TERT: variants seen among roughly 807,000 people sequenced by gnomAD.
TERT encodes the protein telomerase reverse transcriptase, also known as telomerase catalytic subunit.
In TERT, 42 loss-of-function variants were observed where a neutral mutation model predicts 104.0. The observed-to-expected ratio is 0.40, with a 90% CI of 0.32 to 0.52. TERT has a LOEUF of 0.52. TERT is among the 20% of genes least tolerant of loss of function. The pLI is 0.43. For synonymous variants in TERT, 781 were observed against 725.6 expected, an observed-to-expected ratio of 1.08 and a Z score of -1.23; for missense variants, 1,101 against 1,610.3, an observed-to-expected ratio of 0.68 and a Z score of 5.41.
rs562570564 is a variant in TERT, at chr5:1,277,210, G to A, written c.2286+1431C>T. Among the ~76,000 whole-genome samples, 18 of 152,260 alleles carry A rather than the reference G, an allele frequency of 1.2e-4. No homozygotes were observed. The South Asian group carries it at 1.9e-3, about 16-fold the overall frequency. On this transcript the variant is annotated intron_variant, in intron 6 of 15. Transcript: ENST00000310581. ...ATCGCCCTCACAAGCAGCCAGCCGG[G>A]GTGTCACTGTCACCCCCCTGGAAAC... is the stretch of plus-strand genomic sequence containing the variant.
At chr5:1,254,842 G>A (rs1213915683) in intron 14 of TERT, among the ~76,000 whole-genome samples, 1 of 151,874 alleles carries the variant, frequency 6.6e-6, no homozygotes, top group Non-Finnish European at 1.5e-5. Flanking sequence ...GCGGGGCTCT[G>A]TCGTGGTGAT....
In TERT at chr5:1,295,053, C is replaced by G. The variant is rs987213543; in HGVS notation, c.-64G>C. ...GCAGGACGCAGCGCTGCCTGAAACT[C>G]GCGCCGCGAGGAGAGGGCGGGGCCG... On this transcript the variant is annotated 5_prime_UTR_variant, in exon 1 of 16. Transcript: ENST00000310581. 2 of 1,158,424 alleles carry G rather than the reference C, an allele frequency of 1.7e-6. No individual in the cohort carries two copies. Among genetic ancestry groups the G allele is most frequent in the Non-Finnish European group, 2.2e-6 (2 of 914,838 alleles). 71.8% of individuals were successfully genotyped at this position (1,158,424 alleles called of 1,614,324 possible). A position where few individuals can be genotyped will look rare whatever the true frequency, so the allele number is the denominator to read the frequency against.
chr5:1,278,887 C>T (rs531338094), intron 5 of TERT, 91 bp from the exon 6 acceptor site: 2 of 1,557,974 alleles, frequency 1.3e-6, no homozygotes, highest in Admixed American at 1.7e-5. Context: ...CGGTGTCCCC[C>T]ACTCTCTCTC....
intron 9 of TERT, among the ~76,000 whole-genome samples, chr5:1,266,963 C>T (rs1292666064): frequency 6.6e-6 from 1 of 152,188 alleles, no homozygotes; most frequent in Non-Finnish European, 1.5e-5. Context: ...CCACAGGAAG[C>T]TGGGCATGGT....
chr5:1,255,463 C>G lies in TERT; in HGVS notation c.3033-52G>C. The G allele has an allele frequency of 6.2e-7, 1 of 1,612,732 alleles. No homozygotes were observed. Among genetic ancestry groups the G allele is most frequent in the Non-Finnish European group, 8.5e-7 (1 of 1,179,642 alleles). The stretch of plus-strand genomic sequence containing the variant: ...GGAAAGGCCTCCTAATCAGACGGTG[C>G]TCGTGGGTGTGGGCATGGGCCCACC... On this transcript the variant is annotated intron_variant, in intron 13 of 15. Coordinates refer to ENST00000310581, the MANE Select transcript of TERT (RefSeq NM_198253.3). The surrounding 1 kb of genome is among the most constrained non-coding windows in gnomAD (Gnocchi z 6.9).
chr5:1,294,951 C>A lies in TERT; in HGVS notation c.39G>T (p.Leu13=), dbSNP rs1465590201. 2 of 1,389,898 alleles carry A rather than the reference C, an allele frequency of 1.4e-6. No homozygotes were observed. Among genetic ancestry groups the A allele is most frequent in the African/African-American group, 1.5e-5 (1 of 66,340 alleles). The allele number at this position is 1,389,898 out of a possible 1,614,324, so 86.1% of individuals were successfully genotyped here. A position where few individuals can be genotyped will look rare whatever the true frequency, so the allele number is the denominator to read the frequency against. ...RAPRCRAVRS[L]LRSHYREVLP... ...GCACCTCGCGGTAGTGGCTGCGCAG[C>A]AGGGAGCGCACGGCTCGGCAGCGGG... The change falls in exon 1 of 16, where the codon CTG becomes CTT. Residue 13 remains leucine (L), a synonymous_variant. Transcript: ENST00000310581.
chr5:1,293,187 C>G, intron 2 of TERT, 126 bp downstream of exon 2: 5 of 1,198,768 alleles, frequency 4.2e-6, no homozygotes, highest in African/African-American at 1.5e-5. Flanking sequence ...ACGTCCTGAG[C>G]GAAAAGCCAC....
At chr5:1,291,706 A>T (rs1326284956) in intron 2 of TERT, among the ~76,000 whole-genome samples, 1 of 149,074 alleles carries the variant, frequency 6.7e-6, no homozygotes, top group Admixed American at 6.7e-5. Context: ...CTCACCCTAC[A>T]CGTGACAGGG....
intron 6 of TERT, among the ~76,000 whole-genome samples, chr5:1,277,449 G>A (rs1190566192): frequency 6.6e-6 from 1 of 152,174 alleles, no homozygotes; most frequent in Non-Finnish European, 1.5e-5. Context: ...TGGACAGAAC[G>A]CACAGCTGAG....
intron 13 of TERT, among the ~76,000 whole-genome samples, chr5:1,258,363 C>A (rs932154448): frequency 2.0e-5 from 3 of 152,290 alleles, no homozygotes; most frequent in African/African-American, 7.2e-5. Flanking sequence ...AGTGCACAGG[C>A]ACAGTGGGGA....
chr5:1,286,057 C>G lies in TERT; in HGVS notation c.1574-3433G>C, dbSNP rs1483548666. Reference sequence around the variant, plus strand: ...TTTCAAACTCGACACCGCGGAGCCACCAGACCCCGACATGCCTGGGGTTTT... The same window carrying G: ...TTTCAAACTCGACACCGCGGAGCCAGCAGACCCCGACATGCCTGGGGTTTT... On this transcript the variant is annotated intron_variant, in intron 2 of 15. Coordinates refer to ENST00000310581, the MANE Select transcript of TERT (RefSeq NM_198253.3). The surrounding 1 kb of genome is among the most constrained non-coding windows in gnomAD (Gnocchi z 5.3). 6.6e-6 allele frequency among the ~76,000 whole-genome samples: 1 copy of G among 152,128 alleles called. No individual in the cohort carries two copies. The highest frequency in any genetic ancestry group is 2.4e-5 in the African/African-American group (1 of 41,424).
rs367957748 is a variant in TERT, at chr5:1,294,001, G to A, written c.885C>T (p.Ser295=). The part of the protein sequence containing the change: ...LEGALSGTRH[S]HPSVGRQHHA... ...GGTGCTGGCGGCCCACGGATGGGTG[G>A]GAGTGGCGCGTGCCAGAGAGCGCAC... The change falls in exon 2 of 16, where the codon TCC becomes TCT. Residue 295 remains serine (S), a synonymous_variant. Transcript: ENST00000310581. 65 of 1,578,942 alleles carry A rather than the reference G, an allele frequency of 4.1e-5. No homozygotes were observed. The Middle Eastern group carries it at 5.0e-4, about 12-fold the overall frequency.
chr5:1,260,025 C>T (rs1748110229), intron 12 of TERT, among the ~76,000 whole-genome samples: 1 of 152,106 alleles, frequency 6.6e-6, no homozygotes, highest in African/African-American at 2.4e-5. Flanking sequence ...GGGACAATGC[C>T]CTCAGGGCTG....
chr5:1,254,831 C>T (rs962107679), intron 14 of TERT, among the ~76,000 whole-genome samples: 8 of 151,736 alleles, frequency 5.3e-5, no homozygotes, highest in Admixed American at 2.0e-4. Context: ...CAGAGGACGG[C>T]GCGGGGCTCT....
chr5:1,259,045 G>A (rs962317811), intron 12 of TERT, among the ~76,000 whole-genome samples: 2 of 148,112 alleles, frequency 1.4e-5, no homozygotes, highest in African/African-American at 2.5e-5. Context: ...GGACACAGAC[G>A]CCCACAGGAG....
intron 14 of TERT, among the ~76,000 whole-genome samples, chr5:1,254,855 G>A (rs548696681): frequency 6.6e-6 from 1 of 152,250 alleles, no homozygotes; most frequent in Admixed American, 6.5e-5. Context: ...GTGGTGATAC[G>A]CGGCCTCTGC....
intron 14 of TERT, 40 bp from the exon 15 acceptor site, chr5:1,254,545 C>A: frequency 1.3e-6 from 2 of 1,586,800 alleles, no homozygotes; most frequent in East Asian, 2.3e-5. Flanking sequence ...AGGCCCAGCC[C>A]AGCTCCCCTC....
chr5:1,294,681 C>A lies in TERT; in HGVS notation c.220-15G>T, dbSNP rs775526812. On this transcript the variant is annotated splice_polypyrimidine_tract_variant and intron_variant, in intron 1 of 15. Coordinates refer to ENST00000310581, the MANE Select transcript of TERT (RefSeq NM_198253.3). ...AGGCAGGACACCTGCGGGGGAAGCGCCCTGAGTCGCCTGCGCTGCTCTCCG... is the reference window on the plus strand; with the variant it reads ...AGGCAGGACACCTGCGGGGGAAGCGACCTGAGTCGCCTGCGCTGCTCTCCG... 1.3e-6 allele frequency: 2 copies of A among 1,590,314 alleles called. No individual in the cohort carries two copies. Among genetic ancestry groups the A allele is most frequent in the Non-Finnish European group, 1.7e-6 (2 of 1,176,648 alleles).
At chr5:1,285,093 CCA>C (rs1750389112) in intron 2 of TERT, among the ~76,000 whole-genome samples, 1 of 78,244 alleles carries the variant, frequency 1.3e-5, no homozygotes, top group Non-Finnish European at 2.8e-5. Context: ...CATCCAGACA[CCA>C]CACATCCAGC....
Sources: gnomAD v4.1 joint callset for allele counts (sites outside exome capture counted in the v4.1 genomes callset) on GRCh38, gnomAD v4.1.1 for gene constraint, Gnocchi (gnomAD v3.1) non-coding constraint, MANE v1.5 for transcripts, NCBI Gene and HGNC (gene_info 2026-07-23, HGNC 2026-07-21) for gene names.